RBPMS: variants seen among roughly 807,000 people sequenced by gnomAD.
The protein encoded by RBPMS is RNA binding protein, mRNA processing factor.
Under a neutral mutation model 26.8 loss-of-function variants are expected in RBPMS, and 7 were observed. The observed-to-expected ratio is 0.26, with a 90% CI of 0.15 to 0.49. RBPMS has a LOEUF of 0.49. Ranked by LOEUF, RBPMS falls within the 20% of genes least tolerant of loss-of-function variation. The pLI, the probability that RBPMS is intolerant of heterozygous loss-of-function variation, is 0.98. For missense variants in RBPMS, 186 were observed against 250.0 expected (o/e 0.74, Z 1.73); for synonymous variants, 96 against 93.3 (o/e 1.03, Z -0.17).
intron 1 of RBPMS, chr8:30,446,795 T>TGTG (rs1554515675): frequency 8.9e-6 from 1 of 112,434 alleles, no homozygotes; most frequent in African/African-American, 3.4e-5. Context: ...CACACATGGC[T>TGTG]TGTGTGTGTG....
intron 1 of RBPMS, among the ~76,000 whole-genome samples, chr8:30,467,975 C>T (rs1240146195): frequency 6.9e-6 from 1 of 144,096 alleles, no homozygotes; most frequent in East Asian, 2.2e-4. Context: ...GGTATGTATT[C>T]CTTTGATACC....
At chr8:30,443,725 G>A (rs1386029254) in intron 1 of RBPMS, among the ~76,000 whole-genome samples, 1 of 151,994 alleles carries the variant, frequency 6.6e-6, no homozygotes, top group African/African-American at 2.4e-5. Flanking sequence ...CTCCTGAGTA[G>A]CTGGGACTAC....
At chr8:30,466,597 CT>C (rs1161388621) in intron 1 of RBPMS, among the ~76,000 whole-genome samples, 1,686 of 138,732 alleles carry the variant, frequency 0.012, 20 homozygotes, top group African/African-American at 0.037. Flanking sequence ...TCTTTTTTTT[CT>C]TTTTTTTTTT....
chr8:30,537,791 G>A (rs1316461681), intron 5 of RBPMS: 7 of 369,680 alleles, frequency 1.9e-5, no homozygotes, highest in Middle Eastern at 4.5e-4. Context: ...CAGTAAACAC[G>A]AGCTCCTACT....
intron 8 of RBPMS, among the ~76,000 whole-genome samples, chr8:30,568,785 C>T (rs541835865): frequency 9.9e-5 from 15 of 152,252 alleles, no homozygotes; most frequent in Middle Eastern, 6.8e-3. Context: ...GTTTGAACTC[C>T]GCTCCTAGCT....
intron 6 of RBPMS, among the ~76,000 whole-genome samples, chr8:30,554,471 C>A (rs1826672108): frequency 6.6e-6 from 1 of 152,210 alleles, no homozygotes; most frequent in Admixed American, 6.5e-5. Context: ...ACTGTGCCCA[C>A]ACATATCAAG....
intron 4 of RBPMS, among the ~76,000 whole-genome samples, chr8:30,503,250 T>G (rs946995607): frequency 6.6e-5 from 10 of 152,142 alleles, no homozygotes; most frequent in African/African-American, 2.2e-4. Context: ...GTCTTGTTTT[T>G]GTGGATATTT....
intron 1 of RBPMS, among the ~76,000 whole-genome samples, chr8:30,450,319 G>C (rs1400840274): frequency 6.6e-6 from 1 of 152,224 alleles, no homozygotes; most frequent in Non-Finnish European, 1.5e-5. Flanking sequence ...AATTCAGCAT[G>C]AGATGGATTT....
chr8:30,505,312 C>T (rs776276811), intron 5 of RBPMS, among the ~76,000 whole-genome samples: 5 of 152,182 alleles, frequency 3.3e-5, no homozygotes, highest in Non-Finnish European at 5.9e-5. Context: ...CTAAACCACA[C>T]GGTTGTGATC....
At chr8:30,468,620 A>G (rs566135431) in intron 1 of RBPMS, among the ~76,000 whole-genome samples, 16 of 152,298 alleles carry the variant, frequency 1.1e-4, no homozygotes, top group African/African-American at 3.4e-4. Flanking sequence ...TTGGATTTGC[A>G]TATGTTTCTA....
At chr8:30,556,294 T>C (rs1585873993) in intron 6 of RBPMS, 4 of 985,410 alleles carry the variant, frequency 4.1e-6, no homozygotes, top group Non-Finnish European at 4.8e-6. Flanking sequence ...CGCCTTCATG[T>C]CACTCTGGAG....
chr8:30,444,689 A>G (rs760288711), intron 1 of RBPMS: 6 of 152,214 alleles, frequency 3.9e-5, no homozygotes, highest in Non-Finnish European at 8.8e-5. Context: ...TGTTTTTCCC[A>G]TGGTAAAAGA....
At chr8:30,441,981 G>A (rs1230832648) in intron 1 of RBPMS, among the ~76,000 whole-genome samples, 1 of 151,990 alleles carries the variant, frequency 6.6e-6, no homozygotes, top group Non-Finnish European at 1.5e-5. Flanking sequence ...GTAGAGACGG[G>A]GTTTCACCAT....
At chr8:30,541,850 C>G (rs1465988856) in intron 5 of RBPMS, among the ~76,000 whole-genome samples, 4 of 152,220 alleles carry the variant, frequency 2.6e-5, no homozygotes, top group Non-Finnish European at 5.9e-5. Flanking sequence ...GTAATTTTCT[C>G]AAGCAACGAA....
At chr8:30,449,208 T>C (rs1402433742) in intron 1 of RBPMS, among the ~76,000 whole-genome samples, 1 of 152,196 alleles carries the variant, frequency 6.6e-6, no homozygotes, top group East Asian at 1.9e-4. Flanking sequence ...TATAATGTTT[T>C]TAAACTTGGA....
intron 1 of RBPMS, among the ~76,000 whole-genome samples, chr8:30,473,723 AG>A (rs1335630187): frequency 6.6e-6 from 1 of 152,220 alleles, no homozygotes; most frequent in Non-Finnish European, 1.5e-5. Flanking sequence ...GACTAAATAA[AG>A]AAAATGTGGT....
intron 1 of RBPMS, among the ~76,000 whole-genome samples, chr8:30,457,465 T>C (rs1815347358): frequency 6.6e-6 from 1 of 152,224 alleles, no homozygotes; most frequent in Non-Finnish European, 1.5e-5. Flanking sequence ...ATATGCAATT[T>C]GTTCAGTGGT....
rs115675419 is a variant in RBPMS at position 30,457,129 on chromosome 8, T to C, written c.67-17650T>C. On this transcript the variant is annotated intron_variant, in intron 1 of 8. Coordinates refer to ENST00000397323, the MANE Select transcript of RBPMS (RefSeq NM_001008710.3). ...CAAAGATCACTGACAGGCTGGGTCA[T>C]GTCTGCTCTGAAACATCCTTCATAT... Among the ~76,000 whole-genome samples the C allele has an allele frequency of 4.9e-3, 752 of 152,338 alleles. 10 individuals are homozygous for C. The highest frequency in any genetic ancestry group is 0.017 in the African/African-American group (716 of 41,564).
chr8:30,387,950 A>G (rs747796169), intron 1 of RBPMS, among the ~76,000 whole-genome samples: 2 of 152,080 alleles, frequency 1.3e-5, no homozygotes, highest in East Asian at 3.8e-4. Context: ...GTTTTTGAGA[A>G]CTTTGGCAGA....
Sources: gnomAD v4.1 joint callset for allele counts (sites outside exome capture counted in the v4.1 genomes callset) on GRCh38, gnomAD v4.1.1 for gene constraint, MANE v1.5 for transcripts, NCBI Gene and HGNC (gene_info 2026-07-23, HGNC 2026-07-21) for gene names.